The following RFX7 variants were observed in gnomAD, a reference collection of about 807,000 sequenced individuals.
The protein encoded by RFX7 is DNA-binding protein RFX7.
Under a neutral mutation model 111.8 loss-of-function variants are expected in RFX7, and 26 were observed. That is an observed-to-expected ratio of 0.23 (90% CI 0.17 to 0.32). The LOEUF (loss-of-function observed/expected upper bound fraction) is 0.32. RFX7 is among the 10% of genes least tolerant of loss of function. RFX7 has a pLI of 1.00. For missense variants in RFX7, 1,573 were observed against 1,772.9 expected (o/e 0.89, Z 2.02); for synonymous variants, 624 against 624.4 (o/e 1.00, Z 0.01).
rs567434853 is a variant in RFX7, at chr15:56,181,037, A to T, written c.162-1734T>A. Reference sequence around the variant, plus strand: ...CACCAACCACCACACCCTGTGGGCTACTCCCAACAAAGTGGCCAGAGTGAT... The same window carrying T: ...CACCAACCACCACACCCTGTGGGCTTCTCCCAACAAAGTGGCCAGAGTGAT... On this transcript the variant is annotated intron_variant, in intron 2 of 9. Transcript: ENST00000559447. 3.9e-5 allele frequency among the ~76,000 whole-genome samples: 6 copies of T among 152,288 alleles called. No individual in the cohort carries two copies. The South Asian group carries it at 1.2e-3, about 32-fold the overall frequency.
chr15:56,230,772 C>CAATGA (rs1347227909), intron 2 of RFX7, among the ~76,000 whole-genome samples: 5 of 152,174 alleles, frequency 3.3e-5, no homozygotes, highest in Non-Finnish European at 7.3e-5. Context: ...TTTCAGAGTA[C>CAATGA]TTGAGCTATG....
intron 2 of RFX7, among the ~76,000 whole-genome samples, chr15:56,234,740 T>C (rs1220015498): frequency 6.6e-6 from 1 of 152,192 alleles, no homozygotes; most frequent in African/African-American, 2.4e-5. Context: ...CATATAGAAA[T>C]AACATATTTT....
intron 5 of RFX7, among the ~76,000 whole-genome samples, chr15:56,109,126 G>C (rs551844026): frequency 6.6e-6 from 1 of 152,204 alleles, no homozygotes; most frequent in South Asian, 2.1e-4. Context: ...CTGCCATCTC[G>C]GCTCACTGCA....
intron 2 of RFX7, among the ~76,000 whole-genome samples, chr15:56,200,381 T>C (rs998402398): frequency 1.3e-5 from 2 of 152,108 alleles, no homozygotes; most frequent in African/African-American, 2.4e-5. Context: ...TTATAACATA[T>C]AAAACATTTA....
intron 5 of RFX7, among the ~76,000 whole-genome samples, chr15:56,108,796 C>A (rs188037442): frequency 1.9e-4 from 29 of 152,256 alleles, no homozygotes; most frequent in Non-Finnish European, 2.9e-5. Context: ...ATTTAGAAAA[C>A]CCTATTGTCT....
rs780358555 is a variant in RFX7 at position 56,095,429 on chromosome 15, A to G, written c.2299T>C (p.Leu767=). Residue 767 remains leucine (L), a synonymous_variant, in exon 10 of 10, where the codon TTG becomes CTG. Coordinates refer to ENST00000559447, the MANE Select transcript of RFX7 (RefSeq NM_022841.7). The part of the protein sequence containing the change: ...KVKLEGSVFL[L]DSDSKSVGSF... ...CCAACTGACTTTGAATCACTGTCCA[A>G]GAGAAAGACACTTCCTTCAAGTTTT... 10 of 1,612,956 alleles carry G rather than the reference A, an allele frequency of 6.2e-6. No individual in the cohort carries two copies. The Admixed American group carries it at 1.5e-4, about 24-fold the overall frequency.
chr15:56,094,965 T>C lies in RFX7; in HGVS notation c.2763A>G (p.Pro921=). The change falls in exon 10 of 10, where the codon CCA becomes CCG. Residue 921 remains proline, a synonymous_variant. Transcript: ENST00000559447. ...AAGTGTGAGATGACATTGGAGCTCC[T>C]GGAGTTACTGACTGACTCTGAAGGG... ...GMTLQSQSVT[P]GAPMSSHTSS... The C allele has an allele frequency of 6.2e-7, 1 of 1,605,928 alleles. No individual in the cohort carries two copies. Among genetic ancestry groups the C allele is most frequent in the Non-Finnish European group, 8.5e-7 (1 of 1,175,954 alleles).
chr15:56,176,705 T>C (rs538674518), intron 3 of RFX7, among the ~76,000 whole-genome samples: 1 of 152,218 alleles, frequency 6.6e-6, no homozygotes, highest in East Asian at 1.9e-4. Context: ...CTGAAAGGAA[T>C]CATCCTTGAT....
intron 5 of RFX7, among the ~76,000 whole-genome samples, chr15:56,113,990 A>C (rs916199982): frequency 6.6e-6 from 1 of 152,256 alleles, no homozygotes; most frequent in Non-Finnish European, 1.5e-5. Flanking sequence ...ATATCTAATT[A>C]GCTTGAGCCT....
chr15:56,133,237 CTG>C (rs1473192485), intron 5 of RFX7, among the ~76,000 whole-genome samples: 1 of 152,010 alleles, frequency 6.6e-6, no homozygotes, highest in East Asian at 1.9e-4. Flanking sequence ...GTAAACTAAA[CTG>C]TTTTTGCATA....
At chr15:56,177,073 T>C (rs1479806938) in intron 3 of RFX7, among the ~76,000 whole-genome samples, 1 of 152,194 alleles carries the variant, frequency 6.6e-6, no homozygotes, top group Non-Finnish European at 1.5e-5. Context: ...TCTATCATTC[T>C]CTACTTCCTT....
intron 2 of RFX7, 69 bp downstream of exon 2, chr15:56,243,056 G>GCCCCCCCCCCCCCCC: frequency 1.9e-6 from 1 of 520,784 alleles, no homozygotes; most frequent in Non-Finnish European, 3.3e-6. Context: ...CCCGCCCGCC[G>GCCCCCCCCCCCCCCC]CCCCCCACCC....
In RFX7 at chr15:56,139,385, C is replaced by G. The variant is rs559568958; in HGVS notation, c.401+3393G>C. The stretch of plus-strand genomic sequence containing the variant: ...TTCATTTCATCATCCATCGCTGATA[C>G]TCTTTCTTCCAGTTGATCGCATCGG... On this transcript the variant is annotated intron_variant, in intron 5 of 9. Transcript: ENST00000559447. 3.9e-5 allele frequency among the ~76,000 whole-genome samples: 6 copies of G among 152,326 alleles called. No homozygotes were observed. The East Asian group carries it at 1.2e-3, about 29-fold the overall frequency.
At chr15:56,180,836 G>C (rs1346678873) in intron 2 of RFX7, among the ~76,000 whole-genome samples, 1 of 151,112 alleles carries the variant, frequency 6.6e-6, no homozygotes, top group Non-Finnish European at 1.5e-5. Context: ...AGAATTGCTT[G>C]AACCCGGGAG....
chr15:56,175,891 C>T (rs1284511446), intron 3 of RFX7, among the ~76,000 whole-genome samples: 1 of 152,120 alleles, frequency 6.6e-6, no homozygotes, highest in Non-Finnish European at 1.5e-5. Flanking sequence ...AGAAACTAGG[C>T]TCTGGAAACT....
intron 6 of RFX7, among the ~76,000 whole-genome samples, chr15:56,102,955 G>T (rs575963137): frequency 2.0e-5 from 3 of 152,086 alleles, no homozygotes; most frequent in Admixed American, 6.6e-5. Flanking sequence ...AGAGGAGAAA[G>T]AACTATAATG....
In RFX7 at chr15:56,093,597, T is replaced by C; in HGVS notation, c.4131A>G (p.Ala1377=). 6.2e-7 allele frequency: 1 copy of C among 1,613,792 alleles called. No homozygotes were observed. Residue 1377 remains alanine, a synonymous_variant, in exon 10 of 10, where the codon GCA becomes GCG. Coordinates refer to ENST00000559447, the MANE Select transcript of RFX7 (RefSeq NM_022841.7). ...GQGASDLTNT[A]SDFSSDIRLS... is the part of the protein sequence containing the mutation. ...ACCTGATATCGCTAGAGAAATCAGA[T>C]GCAGTATTAGTGAGATCAGATGCTC...
At chr15:56,104,727 G>A (rs749672542) in intron 5 of RFX7, among the ~76,000 whole-genome samples, 5 of 152,122 alleles carry the variant, frequency 3.3e-5, no homozygotes, top group African/African-American at 4.8e-5. Context: ...AAGAATAAGG[G>A]TAGCTCTGGA....
chr15:56,109,904 G>A (rs1444260690), intron 5 of RFX7, among the ~76,000 whole-genome samples: 44 of 151,858 alleles, frequency 2.9e-4, no homozygotes, highest in African/African-American at 1.0e-3. Flanking sequence ...CACCCCGTCC[G>A]GGAGGGAGAT....
Sources: allele counts gnomAD v4.1 joint callset (sites outside exome capture counted in the v4.1 genomes callset), GRCh38; gene constraint gnomAD v4.1.1; transcripts MANE v1.5; gene names NCBI Gene and HGNC (gene_info 2026-07-23, HGNC 2026-07-21).